LARGE1: variants seen among roughly 807,000 people sequenced by gnomAD.
The protein encoded by LARGE1 is LARGE xylosyl- and glucuronyltransferase 1, also known as xylosyl- and glucuronyltransferase LARGE1.
In LARGE1, 43 loss-of-function variants were observed where a neutral mutation model predicts 87.6. The ratio of observed to expected loss-of-function variants is 0.49; its 90% CI spans 0.38 to 0.63. The LOEUF is 0.63. Among genes scored for constraint, LARGE1 ranks in the 30% least tolerant of loss-of-function variants. The pLI is 0.00. For synonymous variants in LARGE1, 434 were observed against 394.6 expected (o/e 1.10, Z -1.18); for missense variants, 802 against 1,000.2 (o/e 0.80, Z 2.67).
At chr22:33,734,617 G>A (rs1204245729) in intron 2 of LARGE1, among the ~76,000 whole-genome samples, 1 of 152,152 alleles carries the variant, frequency 6.6e-6, no homozygotes, top group Non-Finnish European at 1.5e-5. Flanking sequence ...TCTTTGTCCT[G>A]GGAAATTGCA....
intron 9 of LARGE1, among the ~76,000 whole-genome samples, chr22:33,377,714 A>G (rs1410903467): frequency 6.6e-6 from 1 of 152,154 alleles, no homozygotes; most frequent in African/African-American, 2.4e-5. Context: ...GTCCAATGAG[A>G]CATATCCCAA....
chr22:33,389,738 G>A (rs992797992), intron 7 of LARGE1, among the ~76,000 whole-genome samples: 1 of 152,056 alleles, frequency 6.6e-6, no homozygotes, highest in African/African-American at 2.4e-5. Flanking sequence ...CCAGTTACTT[G>A]GGAGGCTGAG....
intron 1 of LARGE1, among the ~76,000 whole-genome samples, chr22:33,829,948 G>A (rs2062917653): frequency 6.6e-6 from 1 of 152,152 alleles, no homozygotes; most frequent in Non-Finnish European, 1.5e-5. Flanking sequence ...CCAGGCCCCT[G>A]CTTGAGAGAT....
At position 33,748,400 on chromosome 22, in the gene LARGE1, C is replaced by T. The variant is rs555334502; in HGVS notation, c.106+12971G>A. Reference sequence around the variant, plus strand: ...CCATCTCCACTTCCACCTCCCATCCCGTAGCTTTAAATATTCAACTCTGTT... The same window carrying T: ...CCATCTCCACTTCCACCTCCCATCCTGTAGCTTTAAATATTCAACTCTGTT... On this transcript the variant is annotated intron_variant, in intron 2 of 14. Coordinates refer to ENST00000397394, the MANE Select transcript of LARGE1 (RefSeq NM_133642.5). Among the ~76,000 whole-genome samples, 148 of 152,210 alleles carry T rather than the reference C, an allele frequency of 9.7e-4. 2 individuals are homozygous for T. Among genetic ancestry groups the T allele is most frequent in the African/African-American group, 3.5e-3 (144 of 41,528 alleles).
chr22:33,701,124 ACT>A lies in LARGE1; in HGVS notation c.107-50458_107-50457del, dbSNP rs2082394007. On this transcript the variant is annotated intron_variant, in intron 2 of 14. Transcript: ENST00000397394. ...CTGATGCTTTTTGTACCTGGATCAC[ACT>A]CGGAGTGGTCACGGCCTGGAGGGGA... Among the ~76,000 whole-genome samples, 4 of 152,024 alleles carry A rather than the reference ACT, an allele frequency of 2.6e-5. No individual in the cohort carries two copies. In the South Asian group the frequency reaches 6.2e-4, roughly 24 times the overall value.
intron 6 of LARGE1, among the ~76,000 whole-genome samples, chr22:33,489,385 T>C (rs186944100): frequency 2.0e-5 from 3 of 152,326 alleles, no homozygotes; most frequent in Admixed American, 2.0e-4. Flanking sequence ...AGGGCAGTGT[T>C]CTGAGCACTG....
chr22:33,835,240 T>C (rs187391285), intron 1 of LARGE1, among the ~76,000 whole-genome samples: 3 of 152,346 alleles, frequency 2.0e-5, no homozygotes. Flanking sequence ...TCACACAATA[T>C]GTGGCATTTT....
chr22:33,522,780 G>A lies in LARGE1; in HGVS notation c.787+42068C>T, dbSNP rs558093550. On this transcript the variant is annotated intron_variant, in intron 6 of 14. Transcript: ENST00000397394. ...CAAGAGGTGGAGGTTGCAGTGGGCC[G>A]AGATTGCACCACTTCACTCCAGCCT... Among the ~76,000 whole-genome samples the A allele has an allele frequency of 3.2e-3, 477 of 151,382 alleles. 6 individuals carry two copies. Among genetic ancestry groups the A allele is most frequent in the African/African-American group, 0.011 (461 of 41,246 alleles).
chr22:33,181,903 C>T (rs920701719), intron 11 of LARGE1, among the ~76,000 whole-genome samples: 3 of 147,874 alleles, frequency 2.0e-5, no homozygotes, highest in Non-Finnish European at 4.5e-5. Flanking sequence ...CGATCTCGGC[C>T]GCCTCAGCCT....
Position 33,806,044 on chromosome 22 carries a change from T to C in LARGE1, c.-82-44486A>G, listed in dbSNP as rs1343714138. On this transcript the variant is annotated intron_variant, in intron 1 of 14. Transcript: ENST00000397394. ...ACCACCTCAATCTAATTCCAAAACT[T>C]TTCCATGAACTCCAAAACAAAACCC... Among the ~76,000 whole-genome samples, 3 of 152,164 alleles carry C rather than the reference T, an allele frequency of 2.0e-5. No homozygotes were observed. The East Asian group carries it at 5.8e-4, about 29-fold the overall frequency.
chr22:33,816,729 C>T (rs371629420), intron 1 of LARGE1, among the ~76,000 whole-genome samples: 137 of 150,166 alleles, frequency 9.1e-4, no homozygotes, highest in Admixed American at 6.1e-3. Context: ...GACAGACAGA[C>T]AGACAGATAC....
intron 3 of LARGE1, among the ~76,000 whole-genome samples, chr22:33,633,080 T>A (rs1028270169): frequency 2.6e-5 from 4 of 152,178 alleles, no homozygotes; most frequent in African/African-American, 9.7e-5. Flanking sequence ...CAGAAAAGAT[T>A]CATAACATTG....
At chr22:33,466,449 C>G (rs1407268160) in intron 6 of LARGE1, among the ~76,000 whole-genome samples, 7 of 150,430 alleles carry the variant, frequency 4.7e-5, no homozygotes, top group Non-Finnish European at 8.9e-5. Flanking sequence ...ATTTCTAGGA[C>G]CTGGTGGGAA....
At chr22:33,849,091 G>A (rs1005048583) in intron 1 of LARGE1, among the ~76,000 whole-genome samples, 4 of 152,218 alleles carry the variant, frequency 2.6e-5, no homozygotes, top group Non-Finnish European at 4.4e-5. Flanking sequence ...AGAGAAAGAA[G>A]AGCAGGATAA....
At chr22:33,688,521 T>C (rs892332705) in intron 2 of LARGE1, among the ~76,000 whole-genome samples, 18 of 152,206 alleles carry the variant, frequency 1.2e-4, no homozygotes, top group African/African-American at 4.3e-4. Context: ...GCGGCTAATT[T>C]TGTATTTTTA....
chr22:33,626,092 A>G, intron 4 of LARGE1, 152 bp downstream of exon 4: 1 of 706,580 alleles, frequency 1.4e-6, no homozygotes, highest in Admixed American at 2.0e-5. Context: ...TGTTAACACA[A>G]TCATCTCCTC....
intron 2 of LARGE1, among the ~76,000 whole-genome samples, chr22:33,713,157 T>C (rs2082788529): frequency 6.6e-6 from 1 of 152,182 alleles, no homozygotes; most frequent in South Asian, 2.1e-4. Context: ...TAGATATATC[T>C]ACAGATGAGG....
chr22:33,497,965 CTCCGCCTCCTACGT>C (rs1415831565), intron 6 of LARGE1, among the ~76,000 whole-genome samples: 18 of 152,316 alleles, frequency 1.2e-4, no homozygotes, highest in Non-Finnish European at 2.4e-4. Flanking sequence ...TCACTGCAAC[CTCCGCCTCCTACGT>C]TCAAGCGATT....
At chr22:33,425,570 T>C (rs937336378) in intron 7 of LARGE1, among the ~76,000 whole-genome samples, 3 of 152,224 alleles carry the variant, frequency 2.0e-5, no homozygotes, top group Non-Finnish European at 2.9e-5. Context: ...GACATTTCTA[T>C]TGAGCACGAT....
Sources: gnomAD v4.1 joint callset for allele counts (sites outside exome capture counted in the v4.1 genomes callset) on GRCh38, gnomAD v4.1.1 for gene constraint, MANE v1.5 for transcripts, NCBI Gene and HGNC (gene_info 2026-07-23, HGNC 2026-07-21) for gene names.